CNOT10: variants seen among roughly 807,000 people sequenced by gnomAD.
CNOT10 encodes the protein CCR4-NOT transcription complex, subunit 10.
Under a neutral mutation model 94.6 loss-of-function variants are expected in CNOT10, and 30 were observed. That is an observed-to-expected ratio of 0.32 (90% confidence interval 0.24 to 0.43). The LOEUF (loss-of-function observed/expected upper bound fraction) is 0.43, where lower values mean the gene tolerates loss of function less well. Among genes scored for constraint, CNOT10 ranks in the 20% least tolerant of loss-of-function variants. CNOT10 has a pLI of 1.00. For synonymous variants in CNOT10, 289 were observed against 301.6 expected (o/e 0.96, Z 0.43); for missense variants, 759 against 877.2 (o/e 0.87, Z 1.70).
At chr3:32,748,912 T>C (rs1268294729) in intron 13 of CNOT10, among the ~76,000 whole-genome samples, 2 of 151,632 alleles carry the variant, frequency 1.3e-5, no homozygotes, top group East Asian at 1.9e-4. Flanking sequence ...CTCACCCACC[T>C]CCGGGTTCAA....
intron 10 of CNOT10, among the ~76,000 whole-genome samples, chr3:32,732,244 G>T (rs544934527): frequency 6.6e-6 from 1 of 151,754 alleles, no homozygotes; most frequent in Admixed American, 6.6e-5. Flanking sequence ...ACAAAAATTA[G>T]CCAGGTGTGG....
intron 1 of CNOT10, among the ~76,000 whole-genome samples, chr3:32,699,151 T>C (rs992399432): frequency 1.3e-5 from 2 of 152,194 alleles, no homozygotes; most frequent in African/African-American, 4.8e-5. Context: ...AGATCATAAG[T>C]GCACATACAG....
At chr3:32,748,447 G>A (rs183825873) in intron 13 of CNOT10, among the ~76,000 whole-genome samples, 1 of 152,248 alleles carries the variant, frequency 6.6e-6, no homozygotes, top group African/African-American at 2.4e-5. Context: ...TTTGGGAGAC[G>A]ATAGGTTTTT....
chr3:32,685,399 GC>G lies in CNOT10; in HGVS notation c.-59del, dbSNP rs1176746298. On this transcript the variant is annotated 5_prime_UTR_variant, in exon 1 of 19. Coordinates refer to ENST00000328834, the MANE Select transcript of CNOT10 (RefSeq NM_015442.3). ...CCTCGGAGGTCCAGGACAGCGGCCA[GC>G]CCGGCGGCGGGAGTCAGGGCCACGC... is the stretch of plus-strand genomic sequence containing the variant. 16 of 1,545,520 alleles carry G rather than the reference GC, an allele frequency of 1.0e-5. No homozygotes were observed. The highest frequency in any genetic ancestry group is 2.0e-5 in the Admixed American group (1 of 50,962).
At chr3:32,711,192 C>T (rs1178287266) in intron 4 of CNOT10, among the ~76,000 whole-genome samples, 1 of 152,058 alleles carries the variant, frequency 6.6e-6, no homozygotes, top group African/African-American at 2.4e-5. Flanking sequence ...AACAGCCATC[C>T]CTTGGTATTC....
In CNOT10 at chr3:32,716,345, CAT is replaced by C. The variant is rs142149948; in HGVS notation, c.660+39_660+40del. On this transcript the variant is annotated intron_variant, in intron 6 of 18. Coordinates refer to ENST00000328834, the MANE Select transcript of CNOT10 (RefSeq NM_015442.3). Reference sequence around the variant, plus strand: ...AATTTTAAAGGGGGGCAATACATCACATATATTTAATTGTAGTTATGACAAAT... The same window carrying C: ...AATTTTAAAGGGGGGCAATACATCACATATTTAATTGTAGTTATGACAAAT... 1,758 of 1,025,588 alleles carry C rather than the reference CAT, an allele frequency of 1.7e-3. 21 individuals carry two copies. The African/African-American group carries it at 0.026, about 15-fold the overall frequency. The allele number at this position is 1,025,588 out of a possible 1,614,324, so 63.5% of individuals were successfully genotyped here. A position where few individuals can be genotyped will look rare whatever the true frequency, so the allele number is the denominator to read the frequency against.
chr3:32,686,041 G>C (rs993981760), intron 1 of CNOT10, among the ~76,000 whole-genome samples: 1 of 151,496 alleles, frequency 6.6e-6, no homozygotes, highest in Non-Finnish European at 1.5e-5. Context: ...GCCTCTCAAA[G>C]TAAACCACTT....
intron 4 of CNOT10, among the ~76,000 whole-genome samples, chr3:32,710,239 C>A (rs1439660064): frequency 6.8e-6 from 1 of 148,022 alleles, no homozygotes; most frequent in Non-Finnish European, 1.5e-5. Flanking sequence ...TAATAGTAAT[C>A]AACTAGTCAG....
At chr3:32,739,459 C>T (rs1005683627) in intron 13 of CNOT10, among the ~76,000 whole-genome samples, 1 of 152,038 alleles carries the variant, frequency 6.6e-6, no homozygotes, top group Non-Finnish European at 1.5e-5. Flanking sequence ...CCCTTTAAGC[C>T]TGCTGTGACT....
At chr3:32,706,682 C>T (rs1697639754) in intron 3 of CNOT10, among the ~76,000 whole-genome samples, 1 of 152,188 alleles carries the variant, frequency 6.6e-6, no homozygotes, top group Non-Finnish European at 1.5e-5. Flanking sequence ...TTGCTGAATC[C>T]AAAACGCCAT....
intron 8 of CNOT10, among the ~76,000 whole-genome samples, chr3:32,724,780 A>G (rs1449212295): frequency 2.8e-4 from 42 of 150,642 alleles, no homozygotes; most frequent in Admixed American, 2.7e-3. Flanking sequence ...GCTAGTCTCG[A>G]ACTCCTGACC....
intron 13 of CNOT10, among the ~76,000 whole-genome samples, chr3:32,759,130 AGT>A (rs10601347): frequency 0.8 from 119,728 of 149,550 alleles, 48,015 homozygotes; most frequent in Admixed American, 0.86. Context: ...ATATATATAT[AGT>A]GTGTGTGTGT....
At chr3:32,760,342 A>G (rs1408870606) in intron 14 of CNOT10, among the ~76,000 whole-genome samples, 2 of 151,838 alleles carry the variant, frequency 1.3e-5, no homozygotes, top group Non-Finnish European at 2.9e-5. Context: ...AAAATTGAGT[A>G]AAATACAGGC....
At chr3:32,703,428 A>G (rs1697465488) in intron 1 of CNOT10, among the ~76,000 whole-genome samples, 1 of 152,134 alleles carries the variant, frequency 6.6e-6, no homozygotes, top group African/African-American at 2.4e-5. Flanking sequence ...CATAACTATG[A>G]TAAAGTTTAT....
At chr3:32,732,489 A>G (rs1699003554) in intron 10 of CNOT10, among the ~76,000 whole-genome samples, 1 of 151,760 alleles carries the variant, frequency 6.6e-6, no homozygotes. Context: ...GGGAGGCTGA[A>G]GCAGGAGGAT....
intron 1 of CNOT10, among the ~76,000 whole-genome samples, chr3:32,686,880 G>A (rs1340359008): frequency 2.0e-5 from 3 of 152,070 alleles, no homozygotes; most frequent in Non-Finnish European, 2.9e-5. Flanking sequence ...TTATTCATTC[G>A]CAAAGATTGA....
chr3:32,762,757 A>G lies in CNOT10; in HGVS notation c.1734A>G (p.Ala578=). ...GGTTTTTGGGACATTTATATGCTGC[A>G]GAAGCCCTCATCTCTCTCGACAGAA... ...SLKFLGHLYA[A]EALISLDRIS... Residue 578 remains alanine, a synonymous_variant, in exon 15 of 19, where the codon GCA becomes GCG. Coordinates refer to ENST00000328834, the MANE Select transcript of CNOT10 (RefSeq NM_015442.3). 1 of 1,589,814 alleles carries G rather than the reference A, an allele frequency of 6.3e-7. No homozygotes were observed. Among genetic ancestry groups the G allele is most frequent in the Non-Finnish European group, 8.5e-7 (1 of 1,174,110 alleles).
At chr3:32,773,074 C>G (rs1246352014) in intron 18 of CNOT10, among the ~76,000 whole-genome samples, 7 of 152,074 alleles carry the variant, frequency 4.6e-5, no homozygotes, top group Non-Finnish European at 7.4e-5. Context: ...ACCATGGTAC[C>G]CAAGCTGGTC....
At chr3:32,737,024 C>A (rs540702671) in intron 12 of CNOT10, among the ~76,000 whole-genome samples, 1 of 152,202 alleles carries the variant, frequency 6.6e-6, no homozygotes, top group African/African-American at 2.4e-5. Flanking sequence ...TAAAAAGTTA[C>A]ATGGGAGGCC....
Sources: allele counts gnomAD v4.1 joint callset (sites outside exome capture counted in the v4.1 genomes callset), GRCh38; gene constraint gnomAD v4.1.1; transcripts MANE v1.5; gene names NCBI Gene and HGNC (gene_info 2026-07-23, HGNC 2026-07-21).